The following LINGO2 variants were observed in gnomAD, a reference collection of about 807,000 sequenced individuals.
LINGO2 encodes leucine rich repeat and Ig domain containing 2.
A neutral mutation model predicts 30.6 loss-of-function variants in LINGO2; 14 were observed. The ratio of observed to expected loss-of-function variants is 0.46; its 90% CI spans 0.30 to 0.72. The LOEUF (loss-of-function observed/expected upper bound fraction) is 0.72, where lower values mean the gene tolerates loss of function less well. Among genes scored for constraint, LINGO2 ranks in the 30% least tolerant of loss-of-function variants. LINGO2 has a pLI of 0.07. For synonymous variants in LINGO2, 317 were observed against 288.5 expected, an observed-to-expected ratio of 1.10 and a Z score of -1.00; for missense variants, 729 against 751.7, an observed-to-expected ratio of 0.97 and a Z score of 0.35.
At chr9:29,146,168 C>T in the LINGO2 span, among the ~76,000 whole-genome samples, 1 of 152,062 alleles carries the variant, frequency 6.6e-6, no homozygotes, top group Admixed American at 6.6e-5. Context: ...CCATCCTGGC[C>T]AACATGGTGA....
chr9:28,356,064 AT>A (rs1033439782), intron 3 of LINGO2, among the ~76,000 whole-genome samples: 4 of 152,178 alleles, frequency 2.6e-5, no homozygotes, highest in Non-Finnish European at 4.4e-5. Flanking sequence ...CTAGAAATAG[AT>A]TATGGAATTA....
chr9:29,096,023 C>T, the LINGO2 span, among the ~76,000 whole-genome samples: 15 of 138,702 alleles, frequency 1.1e-4, 2 homozygotes, highest in African/African-American at 4.1e-4. Context: ...TTGGATTTCT[C>T]CCAGTGTAGG....
At chr9:28,939,757 A>T in the LINGO2 span, among the ~76,000 whole-genome samples, 2 of 152,234 alleles carry the variant, frequency 1.3e-5, no homozygotes, top group Non-Finnish European at 1.5e-5. Flanking sequence ...GAAGGTACTT[A>T]AAAAATGTGC....
intron 4 of LINGO2, among the ~76,000 whole-genome samples, chr9:28,084,667 A>T (rs973208751): frequency 3.9e-5 from 6 of 152,032 alleles, no homozygotes; most frequent in Non-Finnish European, 8.8e-5. Context: ...AAACCCGCTG[A>T]CTCCAGATGC....
chr9:29,020,307 A>G, the LINGO2 span, among the ~76,000 whole-genome samples: 1 of 152,216 alleles, frequency 6.6e-6, no homozygotes, highest in Non-Finnish European at 1.5e-5. Flanking sequence ...ACCACATAGT[A>G]CTGTTATACA....
At chr9:27,947,550 A>C (rs1318236106), downstream of LINGO2, among the ~76,000 whole-genome samples, 1 of 152,150 alleles carries the variant, frequency 6.6e-6, no homozygotes, top group Non-Finnish European at 1.5e-5. Flanking sequence ...TCAAAGAAAA[A>C]ACCAAAATCT....
intron 1 of LINGO2, among the ~76,000 whole-genome samples, chr9:28,634,954 T>C (rs1437453363): frequency 6.6e-6 from 1 of 152,182 alleles, no homozygotes; most frequent in African/African-American, 2.4e-5. Context: ...TCTGAGATTC[T>C]AGTTGAAACA....
At chr9:27,971,435 G>A (rs1251908992) in intron 5 of LINGO2, among the ~76,000 whole-genome samples, 2 of 152,132 alleles carry the variant, frequency 1.3e-5, no homozygotes, top group East Asian at 3.9e-4. Flanking sequence ...AGGCTGGAGT[G>A]CGGTGGCCAT....
chr9:28,565,614 C>T (rs1050662369), intron 1 of LINGO2, among the ~76,000 whole-genome samples: 6 of 151,544 alleles, frequency 4.0e-5, no homozygotes, highest in Admixed American at 6.6e-5. Context: ...TGCAGTGTCG[C>T]GATCTCTGCT....
At chr9:28,905,527 A>T in the LINGO2 span, among the ~76,000 whole-genome samples, 1 of 152,082 alleles carries the variant, frequency 6.6e-6, no homozygotes, top group Non-Finnish European at 1.5e-5. Context: ...GAAATGGACA[A>T]ATTTTCTTAA....
chr9:28,157,000 T>C (rs1054413287), intron 4 of LINGO2, among the ~76,000 whole-genome samples: 1 of 152,192 alleles, frequency 6.6e-6, no homozygotes, highest in African/African-American at 2.4e-5. Flanking sequence ...TCCAGGTGCG[T>C]GGTGCAAACT....
intron 1 of LINGO2, among the ~76,000 whole-genome samples, chr9:28,630,068 A>T (rs796877030): frequency 1.5e-4 from 23 of 152,026 alleles, no homozygotes; most frequent in African/African-American, 5.5e-4. Flanking sequence ...GATGATTTCC[A>T]ATTTCATCCA....
intron 4 of LINGO2, among the ~76,000 whole-genome samples, chr9:28,201,453 C>T (rs1295933346): frequency 6.8e-6 from 1 of 147,080 alleles, no homozygotes; most frequent in Non-Finnish European, 1.5e-5. Context: ...GTATATGTGC[C>T]ACATTTTCTT....
At position 28,093,978 on chromosome 9, in the gene LINGO2, A is replaced by G. The variant is rs77713281; in HGVS notation, c.-86-81573T>C. The stretch of plus-strand genomic sequence containing the variant: ...ATGTCTCATTTATTACAAATTCTGA[A>G]TCCTCCAATACATCTTGGATCTGGC... On this transcript the variant is annotated intron_variant, in intron 4 of 5. Transcript: ENST00000379992. Among the ~76,000 whole-genome samples the G allele has an allele frequency of 3.1e-4, 47 of 152,208 alleles. No individual in the cohort carries two copies. In the East Asian group the frequency reaches 6.2e-3, roughly 20 times the overall value.
the LINGO2 span, among the ~76,000 whole-genome samples, chr9:28,990,920 C>G: frequency 6.6e-6 from 1 of 152,178 alleles, no homozygotes; most frequent in Non-Finnish European, 1.5e-5. Flanking sequence ...GGGGAAAAAA[C>G]AGAGCAGAAA....
chr9:28,097,258 A>G (rs1386347785), intron 4 of LINGO2, among the ~76,000 whole-genome samples: 1 of 152,154 alleles, frequency 6.6e-6, no homozygotes, highest in African/African-American at 2.4e-5. Flanking sequence ...TAGTTCAATC[A>G]TCATGGAAGT....
intron 1 of LINGO2, among the ~76,000 whole-genome samples, chr9:28,636,069 G>T (rs1457210105): frequency 1.3e-5 from 2 of 152,036 alleles, no homozygotes; most frequent in Admixed American, 1.3e-4. Flanking sequence ...GTGAGAACAT[G>T]CAGTCTTTGG....
At chr9:28,012,641 A>AC (rs1822618101) in intron 4 of LINGO2, among the ~76,000 whole-genome samples, 1 of 151,540 alleles carries the variant, frequency 6.6e-6, no homozygotes, top group Admixed American at 6.6e-5. Context: ...ACCCCTCCAT[A>AC]CCGCCTGGCC....
At chr9:28,743,137 T>G in the LINGO2 span, among the ~76,000 whole-genome samples, 1 of 152,050 alleles carries the variant, frequency 6.6e-6, no homozygotes, top group African/African-American at 2.4e-5. Context: ...GTTGTTAGTT[T>G]TCTATGAGTA....
Sources: allele counts gnomAD v4.1 joint callset (sites outside exome capture counted in the v4.1 genomes callset), GRCh38; gene constraint gnomAD v4.1.1; transcripts MANE v1.5; gene names NCBI Gene and HGNC (gene_info 2026-07-23, HGNC 2026-07-21).